Variants in ERC2 observed in about 807,000 individuals in gnomAD.
ERC2 encodes ERC protein 2.
ERC2 carries 42 observed loss-of-function variants against 114.8 expected under a neutral mutation model. That is an observed-to-expected ratio of 0.37 (90% CI 0.29 to 0.47). The LOEUF (loss-of-function observed/expected upper bound fraction) is 0.47, where lower values mean the gene tolerates loss of function less well. ERC2 is among the 20% of genes least tolerant of loss of function. The pLI is 0.99. For synonymous variants in ERC2, 454 were observed against 425.5 expected, an observed-to-expected ratio of 1.07 and a Z score of -0.82; for missense variants, 939 against 1,150.7, an observed-to-expected ratio of 0.82 and a Z score of 2.66.
At chr3:56,159,512 A>G (rs774518345) in intron 4 of ERC2, among the ~76,000 whole-genome samples, 2 of 152,162 alleles carry the variant, frequency 1.3e-5, no homozygotes, top group African/African-American at 2.4e-5. Flanking sequence ...TGCGCTTTTT[A>G]TCAACTTTTA....
intron 14 of ERC2, among the ~76,000 whole-genome samples, chr3:55,834,093 C>A (rs1341916912): frequency 1.3e-5 from 2 of 151,794 alleles, no homozygotes. Context: ...AATACAGGAG[C>A]ACCCAGATTC....
intron 17 of ERC2, among the ~76,000 whole-genome samples, chr3:55,637,812 A>C (rs1445531071): frequency 6.6e-6 from 1 of 152,158 alleles, no homozygotes; most frequent in East Asian, 1.9e-4. Flanking sequence ...AAAGAAAAAT[A>C]ATGTGAATAC....
chr3:55,765,338 C>G lies in ERC2; in HGVS notation c.2565-30420G>C, dbSNP rs147593057. Among the ~76,000 whole-genome samples, 1,499 of 152,276 alleles carry G rather than the reference C, an allele frequency of 9.8e-3. 11 individuals carry two copies. The highest frequency in any genetic ancestry group is 0.015 in the Non-Finnish European group (1,013 of 68,018). ...ATGATCTGAAGTCTACTTTTCTTGG[C>G]AGATTAAATTGCCCATCCATCTCCA... On this transcript the variant is annotated intron_variant, in intron 14 of 17. Transcript: ENST00000288221.
At chr3:55,642,318 C>CT (rs1352908307) in intron 17 of ERC2, among the ~76,000 whole-genome samples, 110 of 141,334 alleles carry the variant, frequency 7.8e-4, no homozygotes, top group South Asian at 1.2e-3. Flanking sequence ...CAGATCACAG[C>CT]TTTTTTTTTT....
intron 14 of ERC2, among the ~76,000 whole-genome samples, chr3:55,778,473 T>A (rs1423560681): frequency 6.6e-6 from 1 of 152,176 alleles, no homozygotes; most frequent in Non-Finnish European, 1.5e-5. Flanking sequence ...ACTCTTGGCA[T>A]GGGGAGGTCT....
At chr3:56,370,645 A>G (rs1224546502) in intron 2 of ERC2, among the ~76,000 whole-genome samples, 2 of 133,082 alleles carry the variant, frequency 1.5e-5, no homozygotes, top group Admixed American at 8.4e-5. Flanking sequence ...CCCAGGCTGT[A>G]GTGCAGTGGC....
intron 17 of ERC2, among the ~76,000 whole-genome samples, chr3:55,545,801 G>A (rs917736779): frequency 6.6e-5 from 10 of 152,206 alleles, no homozygotes; most frequent in Non-Finnish European, 1.5e-4. Flanking sequence ...TCCTGCCAGG[G>A]TTGTGAGTTC....
At chr3:56,395,697 A>G (rs974503856) in intron 2 of ERC2, among the ~76,000 whole-genome samples, 1 of 152,200 alleles carries the variant, frequency 6.6e-6, no homozygotes, top group Non-Finnish European at 1.5e-5. Flanking sequence ...ATCTGAGCAG[A>G]TGCCAGCACC....
intron 17 of ERC2, among the ~76,000 whole-genome samples, chr3:55,652,578 A>G (rs2060672460): frequency 6.6e-6 from 1 of 152,026 alleles, no homozygotes; most frequent in Admixed American, 6.5e-5. Flanking sequence ...CAACCACCCA[A>G]AGAAGTGCAC....
intron 2 of ERC2, among the ~76,000 whole-genome samples, chr3:56,374,345 C>T (rs1487633602): frequency 6.6e-6 from 1 of 152,184 alleles, no homozygotes; most frequent in Non-Finnish European, 1.5e-5. Context: ...GATCTGCCCA[C>T]CTCAGCCTCC....
rs140044351 is a variant in ERC2, at chr3:55,725,867, G to T, written c.2712+8904C>A. Among the ~76,000 whole-genome samples the T allele has an allele frequency of 1.7e-3, 254 of 152,270 alleles. 1 individual carries two copies. The highest frequency in any genetic ancestry group is 6.8e-3 in the Middle Eastern group (2 of 294). ...TTTTTGTTGCAAGGGCAAACTGAGT[G>T]GATTCCCTGAGTACTGGGGTTGAGG... is the stretch of plus-strand genomic sequence containing the variant. On this transcript the variant is annotated intron_variant, in intron 15 of 17. Coordinates refer to ENST00000288221, the MANE Select transcript of ERC2 (RefSeq NM_015576.3).
intron 17 of ERC2, among the ~76,000 whole-genome samples, chr3:55,544,385 G>T (rs2054601150): frequency 6.6e-6 from 1 of 152,078 alleles, no homozygotes; most frequent in Non-Finnish European, 1.5e-5. Context: ...TGTGCCATTT[G>T]GCCTCCATTC....
intron 1 of ERC2, among the ~76,000 whole-genome samples, chr3:56,435,462 T>C (rs1308200836): frequency 6.6e-6 from 1 of 152,138 alleles, no homozygotes; most frequent in Non-Finnish European, 1.5e-5. Flanking sequence ...AAGGTTAGAG[T>C]TAGAACCTCT....
chr3:55,973,670 G>T (rs1257788318), intron 12 of ERC2, among the ~76,000 whole-genome samples: 1 of 152,142 alleles, frequency 6.6e-6, no homozygotes, highest in Non-Finnish European at 1.5e-5. Flanking sequence ...TACCCTTCCA[G>T]GGTTGTTGGG....
intron 6 of ERC2, among the ~76,000 whole-genome samples, chr3:56,129,503 T>G (rs1267662724): frequency 6.6e-6 from 1 of 152,150 alleles, no homozygotes; most frequent in East Asian, 1.9e-4. Flanking sequence ...CGGGGGTCAG[T>G]AAGAGTTTTG....
intron 6 of ERC2, among the ~76,000 whole-genome samples, chr3:56,106,283 A>G (rs9817492): frequency 0.17 from 26,124 of 152,200 alleles, 2,448 homozygotes; most frequent in African/African-American, 0.23. Context: ...CCAGAGATAC[A>G]ATAGAATTAC....
chr3:55,576,006 C>T (rs981498029), intron 17 of ERC2, among the ~76,000 whole-genome samples: 4 of 152,130 alleles, frequency 2.6e-5, no homozygotes, highest in African/African-American at 9.7e-5. Context: ...AAGCTATTTA[C>T]CTCTATAAAA....
intron 5 of ERC2, among the ~76,000 whole-genome samples, chr3:56,145,390 G>A (rs2081083585): frequency 6.6e-6 from 1 of 152,116 alleles, no homozygotes; most frequent in Non-Finnish European, 1.5e-5. Context: ...TATACAGAAA[G>A]GAAATGCCAT....
intron 17 of ERC2, among the ~76,000 whole-genome samples, chr3:55,622,108 C>T (rs894706140): frequency 1.3e-5 from 2 of 152,188 alleles, no homozygotes; most frequent in Admixed American, 1.3e-4. Flanking sequence ...CTGTCAAATT[C>T]CCCAGACTAA....
Sources: gnomAD v4.1 joint callset for allele counts (sites outside exome capture counted in the v4.1 genomes callset) on GRCh38, gnomAD v4.1.1 for gene constraint, MANE v1.5 for transcripts, NCBI Gene and HGNC (gene_info 2026-07-23, HGNC 2026-07-21) for gene names.